SGCD: variants seen among roughly 807,000 people sequenced by gnomAD.
SGCD encodes delta-sarcoglycan.
In SGCD, 18 loss-of-function variants were observed where a neutral mutation model predicts 36.6. The observed-to-expected ratio is 0.49, with a 90% confidence interval of 0.34 to 0.73. The LOEUF (loss-of-function observed/expected upper bound fraction) is 0.73, where lower values mean the gene tolerates loss of function less well. Ranked by LOEUF, SGCD falls within the 30% of genes least tolerant of loss-of-function variation. The probability of loss-of-function intolerance (pLI) is 0.01; values close to 1 mark genes in which losing one functional copy is unlikely to be tolerated. For synonymous variants in SGCD, 133 were observed against 130.6 expected, an observed-to-expected ratio of 1.02 and a Z score of -0.12; for missense variants, 387 against 346.7, an observed-to-expected ratio of 1.12 and a Z score of -0.92.
At chr5:156,223,735 A>G (rs1042862061) in intron 3 of SGCD, among the ~76,000 whole-genome samples, 2 of 152,070 alleles carry the variant, frequency 1.3e-5, no homozygotes, top group African/African-American at 4.8e-5. Flanking sequence ...GACAGGCTAA[A>G]TGCAGAGGGG....
At chr5:155,983,805 T>G (rs1338675158) in intron 1 of SGCD, among the ~76,000 whole-genome samples, 1 of 152,222 alleles carries the variant, frequency 6.6e-6, no homozygotes, top group Admixed American at 6.5e-5. Flanking sequence ...AGCCCATGTG[T>G]TACATTAGTA....
chr5:155,951,060 G>C (rs565730428), intron 1 of SGCD, among the ~76,000 whole-genome samples: 2 of 152,256 alleles, frequency 1.3e-5, no homozygotes, highest in East Asian at 3.9e-4. Context: ...GAGGGTCAGA[G>C]ACACAGGAGA....
chr5:156,745,559 C>T (rs570611791), intron 7 of SGCD, among the ~76,000 whole-genome samples: 1 of 152,174 alleles, frequency 6.6e-6, no homozygotes, highest in South Asian at 2.1e-4. Flanking sequence ...AAAATACACT[C>T]GGAAACAAGG....
chr5:156,051,139 G>A lies in SGCD; in HGVS notation c.-281-66739G>A, dbSNP rs1232526511. Among the ~76,000 whole-genome samples, 2 of 146,182 alleles carry A rather than the reference G, an allele frequency of 1.4e-5. 1 individual carries two copies. Among genetic ancestry groups the A allele is most frequent in the Non-Finnish European group, 3.1e-5 (2 of 64,888 alleles). On this transcript the variant is annotated intron_variant, in intron 1 of 9. Coordinates refer to the SGCD transcript ENST00000517913. ...TGTTTGCCTTCTTAAAATACATTAT[G>A]AAATTTGATAAATGAGTATTATGGA...
intron 6 of SGCD, among the ~76,000 whole-genome samples, chr5:156,629,660 T>G (rs556471539): frequency 1.3e-5 from 2 of 152,290 alleles, no homozygotes; most frequent in East Asian, 1.9e-4. Context: ...TTTAGGTTTA[T>G]GGACCACAGG....
At chr5:156,420,954 T>A (rs376581224) in intron 3 of SGCD, among the ~76,000 whole-genome samples, 22 of 152,220 alleles carry the variant, frequency 1.4e-4, no homozygotes, top group Middle Eastern at 3.4e-3. Flanking sequence ...GGCTTTCAAT[T>A]CAGCTCAATC....
chr5:156,721,706 G>T (rs1755513175), intron 7 of SGCD, among the ~76,000 whole-genome samples: 1 of 152,186 alleles, frequency 6.6e-6, no homozygotes, highest in South Asian at 2.1e-4. Context: ...ATGCTCAAGT[G>T]GGGAAGAGAA....
intron 1 of SGCD, among the ~76,000 whole-genome samples, chr5:155,942,310 G>GTATCTATC (rs1406662555): frequency 3.1e-5 from 3 of 96,744 alleles, no homozygotes; most frequent in South Asian, 3.7e-4. Flanking sequence ...ATGTATGTAT[G>GTATCTATC]TATGTATGTA....
the SGCD span, among the ~76,000 whole-genome samples, chr5:155,801,893 A>G: frequency 6.6e-6 from 1 of 152,178 alleles, no homozygotes; most frequent in Non-Finnish European, 1.5e-5. Flanking sequence ...GATAATTGTA[A>G]TCATAATTCC....
At chr5:155,803,956 T>C in the SGCD span, among the ~76,000 whole-genome samples, 1 of 152,302 alleles carries the variant, frequency 6.6e-6, no homozygotes, top group Non-Finnish European at 1.5e-5. Context: ...TGATTTTATG[T>C]AATACAGTCA....
the SGCD span, among the ~76,000 whole-genome samples, chr5:155,814,700 A>G: frequency 1.3e-5 from 2 of 152,192 alleles, no homozygotes; most frequent in African/African-American, 4.8e-5. Flanking sequence ...GGATATCAAT[A>G]CTTTAAACCC....
chr5:155,742,300 G>T, the SGCD span, among the ~76,000 whole-genome samples: 1 of 152,054 alleles, frequency 6.6e-6, no homozygotes, highest in Non-Finnish European at 1.5e-5. Context: ...TAATTCAATT[G>T]TATGCACTTT....
intron 1 of SGCD, among the ~76,000 whole-genome samples, chr5:156,065,702 G>T (rs961863706): frequency 1.9e-4 from 2 of 10,324 alleles, no homozygotes; most frequent in Non-Finnish European, 1.9e-4. Flanking sequence ...GGCCTTCTTT[G>T]TCTCTTTTGA....
the SGCD span, among the ~76,000 whole-genome samples, chr5:155,830,962 CTTAAAT>C: frequency 6.6e-6 from 1 of 152,296 alleles, no homozygotes; most frequent in South Asian, 2.1e-4. Context: ...TCTTTTCAAG[CTTAAAT>C]TCATTAAATG....
chr5:156,455,769 T>C (rs562533744), intron 3 of SGCD, among the ~76,000 whole-genome samples: 1 of 152,336 alleles, frequency 6.6e-6, no homozygotes, highest in Admixed American at 6.5e-5. Flanking sequence ...ATGTGACCTT[T>C]TTTGGAAATA....
intron 3 of SGCD, among the ~76,000 whole-genome samples, chr5:156,386,542 T>A (rs1169741249): frequency 2.0e-5 from 3 of 152,258 alleles, no homozygotes; most frequent in Non-Finnish European, 4.4e-5. Flanking sequence ...AAAAGTCAGC[T>A]GTAATTCAGG....
intron 4 of SGCD, 116 bp from the exon 5 acceptor site, chr5:156,589,115 A>T (rs948214098): frequency 1.6e-5 from 11 of 671,976 alleles, no homozygotes; most frequent in Admixed American, 2.6e-5. Flanking sequence ...TTGAGTAAAG[A>T]CACATTGATT....
intron 4 of SGCD, among the ~76,000 whole-genome samples, chr5:156,509,326 G>A (rs1756836894): frequency 6.6e-6 from 1 of 152,152 alleles, no homozygotes; most frequent in Non-Finnish European, 1.5e-5. Flanking sequence ...TAGGGAGGCT[G>A]ATGCAGGAGA....
intron 2 of SGCD, among the ~76,000 whole-genome samples, chr5:156,330,724 G>A (rs1768031121): frequency 1.3e-5 from 2 of 152,250 alleles, no homozygotes; most frequent in South Asian, 2.1e-4. Context: ...TGTGTTAACC[G>A]AAAAGGAAGA....
Sources: gnomAD v4.1 joint callset for allele counts (sites outside exome capture counted in the v4.1 genomes callset) on GRCh38, gnomAD v4.1.1 for gene constraint, MANE v1.5 for transcripts, NCBI Gene and HGNC (gene_info 2026-07-23, HGNC 2026-07-21) for gene names.